The following DPP10 variants were observed in gnomAD, a reference collection of about 807,000 sequenced individuals.
DPP10 encodes the protein inactive dipeptidyl peptidase 10.
Under a neutral mutation model 120.9 loss-of-function variants are expected in DPP10, and 33 were observed. The ratio of observed to expected loss-of-function variants is 0.27; its 90% CI spans 0.21 to 0.37. The LOEUF (loss-of-function observed/expected upper bound fraction) is 0.37, where lower values mean the gene tolerates loss of function less well. Among genes scored for constraint, DPP10 ranks in the 10% least tolerant of loss-of-function variants. The probability of loss-of-function intolerance (pLI) is 1.00; values close to 1 mark genes in which losing one functional copy is unlikely to be tolerated. For missense variants in DPP10, 816 were observed against 942.8 expected (o/e 0.87, Z 1.76); for synonymous variants, 337 against 326.1 (o/e 1.03, Z -0.36).
chr2:114,947,692 G>A (rs1258169430), intron 1 of DPP10, among the ~76,000 whole-genome samples: 1 of 151,816 alleles, frequency 6.6e-6, no homozygotes, highest in Non-Finnish European at 1.5e-5. Context: ...TTCAAAGAGG[G>A]CTTTAGTTAG....
At chr2:114,594,279 G>A (rs573483857) in intron 1 of DPP10, among the ~76,000 whole-genome samples, 2 of 151,890 alleles carry the variant, frequency 1.3e-5, no homozygotes, top group East Asian at 3.9e-4. Flanking sequence ...TTTGAGACTC[G>A]GACTGGCTCT....
At chr2:114,845,120 T>G (rs1338866818) in intron 1 of DPP10, among the ~76,000 whole-genome samples, 1 of 152,180 alleles carries the variant, frequency 6.6e-6, no homozygotes. Flanking sequence ...GTGATAGGCA[T>G]CACCACATAT....
chr2:114,473,558 T>C (rs578185806), intron 1 of DPP10, among the ~76,000 whole-genome samples: 1 of 152,192 alleles, frequency 6.6e-6, no homozygotes, highest in Non-Finnish European at 1.5e-5. Context: ...TAGATGTAGA[T>C]GTAGGTTAAA....
intron 3 of DPP10, among the ~76,000 whole-genome samples, chr2:115,375,349 T>C (rs920535265): frequency 6.6e-5 from 10 of 152,178 alleles, no homozygotes; most frequent in Admixed American, 2.6e-4. Context: ...TGACCTTTGC[T>C]CCAGTAACCA....
intron 5 of DPP10, among the ~76,000 whole-genome samples, chr2:115,643,030 A>G (rs1400192544): frequency 6.6e-6 from 1 of 152,160 alleles, no homozygotes; most frequent in South Asian, 2.1e-4. Context: ...TATCTCATGC[A>G]TTATGAAGTC....
chr2:115,742,525 T>A (rs915363508), intron 9 of DPP10, among the ~76,000 whole-genome samples: 6 of 152,260 alleles, frequency 3.9e-5, no homozygotes, highest in Non-Finnish European at 1.5e-5. Flanking sequence ...AGTCCTCAGG[T>A]GATTTTTAGT....
intron 3 of DPP10, among the ~76,000 whole-genome samples, chr2:115,408,177 C>G (rs1243395966): frequency 6.6e-6 from 1 of 151,946 alleles, no homozygotes; most frequent in Non-Finnish European, 1.5e-5. Context: ...CTGCTCTTAC[C>G]CACATATGCC....
intron 1 of DPP10, among the ~76,000 whole-genome samples, chr2:114,822,373 C>T (rs997057702): frequency 6.6e-6 from 1 of 152,128 alleles, no homozygotes; most frequent in East Asian, 1.9e-4. Flanking sequence ...AGGCTGCACA[C>T]AGCAGGGGGC....
At chr2:115,027,447 C>A (rs1401259092) in intron 1 of DPP10, among the ~76,000 whole-genome samples, 1 of 152,032 alleles carries the variant, frequency 6.6e-6, no homozygotes, top group Admixed American at 6.6e-5. Context: ...ATTTTGCATT[C>A]TTGGGATGAA....
intron 1 of DPP10, among the ~76,000 whole-genome samples, chr2:115,097,669 T>A (rs952977553): frequency 6.6e-6 from 1 of 152,208 alleles, no homozygotes; most frequent in African/African-American, 2.4e-5. Context: ...CAACACTTCT[T>A]AAAAGTCAAG....
Position 114,952,105 on chromosome 2 carries a change from CAT to C in DPP10, c.61-357131_61-357130del, listed in dbSNP as rs1697835567. Among the ~76,000 whole-genome samples, 3 of 151,912 alleles carry C rather than the reference CAT, an allele frequency of 2.0e-5. No homozygotes were observed. The South Asian group carries it at 6.2e-4, about 32-fold the overall frequency. On this transcript the variant is annotated intron_variant, in intron 1 of 25. Transcript: ENST00000410059. ...ATAATTTTATTAGTTACCAAACTAA[CAT>C]ATTAAAATCTCATATTAAAATCTCA...
chr2:114,802,149 GA>G (rs1436147641), intron 1 of DPP10, among the ~76,000 whole-genome samples: 1 of 152,052 alleles, frequency 6.6e-6, no homozygotes, highest in Non-Finnish European at 1.5e-5. Flanking sequence ...AGAAGTAAAA[GA>G]ATATAAATTA....
At chr2:115,233,669 A>G (rs921362989) in intron 1 of DPP10, among the ~76,000 whole-genome samples, 3 of 152,174 alleles carry the variant, frequency 2.0e-5, no homozygotes, top group Non-Finnish European at 2.9e-5. Flanking sequence ...TGGAATGAGC[A>G]CTTAGTCTCT....
intron 1 of DPP10, among the ~76,000 whole-genome samples, chr2:114,649,347 T>G (rs1340676787): frequency 2.0e-5 from 2 of 102,000 alleles, no homozygotes; most frequent in Admixed American, 1.7e-4. Flanking sequence ...ATCCTGAGAT[T>G]TTTTTTTTCT....
intron 1 of DPP10, among the ~76,000 whole-genome samples, chr2:115,253,448 C>T (rs1249285327): frequency 6.6e-6 from 1 of 152,106 alleles, no homozygotes; most frequent in Non-Finnish European, 1.5e-5. Context: ...CTCAAAAGTC[C>T]TAAGTCCAAA....
At chr2:114,465,048 T>G (rs1422201770) in intron 1 of DPP10, among the ~76,000 whole-genome samples, 1 of 152,180 alleles carries the variant, frequency 6.6e-6, no homozygotes, top group Non-Finnish European at 1.5e-5. Flanking sequence ...TGCCCAGGAC[T>G]GGAGGGGAAC....
chr2:115,721,806 A>G (rs1178445237), intron 7 of DPP10, among the ~76,000 whole-genome samples: 4 of 152,212 alleles, frequency 2.6e-5, no homozygotes, highest in Admixed American at 6.5e-5. Flanking sequence ...TAGCACTCCT[A>G]TGTTCATTGC....
At chr2:115,351,769 A>G (rs2064052131) in intron 3 of DPP10, among the ~76,000 whole-genome samples, 1 of 152,092 alleles carries the variant, frequency 6.6e-6, no homozygotes, top group South Asian at 2.1e-4. Flanking sequence ...AAGCATATTT[A>G]CTTCTCTCCA....
intron 1 of DPP10, among the ~76,000 whole-genome samples, chr2:115,171,661 C>A (rs576172185): frequency 1.3e-5 from 2 of 151,826 alleles, no homozygotes; most frequent in South Asian, 4.2e-4. Flanking sequence ...TGGTACAAAG[C>A]CTTCGGTGGT....
Sources: gnomAD v4.1 joint callset for allele counts (sites outside exome capture counted in the v4.1 genomes callset) on GRCh38, gnomAD v4.1.1 for gene constraint, MANE v1.5 for transcripts, NCBI Gene and HGNC (gene_info 2026-07-23, HGNC 2026-07-21) for gene names.